The following ENDOD1 variants were observed in gnomAD, a reference collection of about 807,000 sequenced individuals.
The protein encoded by ENDOD1 is endonuclease domain containing 1.
A neutral mutation model predicts 6.5 loss-of-function variants in ENDOD1; 9 were observed. The ratio of observed to expected loss-of-function variants is 1.39; its 90% CI spans 0.84 to 2.43. ENDOD1 has a LOEUF of 2.43. Ranked by LOEUF, ENDOD1 falls within the 30% of genes most tolerant of loss-of-function variation. The pLI, the probability that ENDOD1 is intolerant of heterozygous loss-of-function variation, is 0.00. For synonymous variants in ENDOD1, 255 were observed against 255.2 expected (o/e 1.00, Z 0.01); for missense variants, 648 against 635.5 (o/e 1.02, Z -0.21).
At chr11:95,090,799 C>G (rs1858923245) in intron 1 of ENDOD1, among the ~76,000 whole-genome samples, 1 of 152,172 alleles carries the variant, frequency 6.6e-6, no homozygotes. Flanking sequence ...AGTAAAGCTT[C>G]TCTTCTGCAG....
At position 95,105,634 on chromosome 11, in the gene ENDOD1, T is replaced by C. The variant is rs563919125; in HGVS notation, c.300+15407T>C. ...CCCTCCCTGTGTCCATGTGTTCTCA[T>C]TGTTCAGCTCCTACTTATAAGTGAG... is the stretch of plus-strand genomic sequence containing the variant. On this transcript the variant is annotated intron_variant, in intron 1 of 1. Transcript: ENST00000278505. Among the ~76,000 whole-genome samples, 3 of 152,316 alleles carry C rather than the reference T, an allele frequency of 2.0e-5. No individual in the cohort carries two copies. In the East Asian group the frequency reaches 5.8e-4, roughly 29 times the overall value.
At chr11:95,091,619 C>T (rs1254928458) in intron 1 of ENDOD1, among the ~76,000 whole-genome samples, 3 of 152,210 alleles carry the variant, frequency 2.0e-5, no homozygotes, top group Admixed American at 2.0e-4. Context: ...TCCCCTTGAT[C>T]TCATGGACAG....
chr11:95,130,754 C>A lies in ENDOD1; in HGVS notation c.*1175C>A, dbSNP rs1250987219. Reference sequence around the variant, plus strand: ...AGTGTGTTTGAGGCTACAAACATAACTCCCCCATTAATACAAATTAAATGT... The same window carrying A: ...AGTGTGTTTGAGGCTACAAACATAAATCCCCCATTAATACAAATTAAATGT... On this transcript the variant is annotated 3_prime_UTR_variant, in exon 2 of 2. Transcript: ENST00000278505. The A allele has an allele frequency of 1.3e-5, 2 of 152,176 alleles. No homozygotes were observed. The highest frequency in any genetic ancestry group is 2.9e-5 in the Non-Finnish European group (2 of 68,024). The allele number at this position is 152,176 out of a possible 1,614,324, so 9.4% of individuals were successfully genotyped here.
At chr11:95,105,942 G>GT (rs1859085134) in intron 1 of ENDOD1, among the ~76,000 whole-genome samples, 1 of 152,118 alleles carries the variant, frequency 6.6e-6, no homozygotes, top group South Asian at 2.1e-4. Context: ...TGGGGTAAGG[G>GT]TAGGAGCCTG....
intron 1 of ENDOD1, among the ~76,000 whole-genome samples, chr11:95,103,502 C>T (rs186251032): frequency 3.9e-5 from 6 of 152,120 alleles, no homozygotes; most frequent in Non-Finnish European, 5.9e-5. Context: ...AAGATGTCGT[C>T]CTGGAACAAG....
chr11:95,116,421 T>C (rs1443881093), intron 1 of ENDOD1, among the ~76,000 whole-genome samples: 5 of 152,162 alleles, frequency 3.3e-5, no homozygotes. Flanking sequence ...TCAGTTTTGT[T>C]CAACTTTTCA....
chr11:95,122,544 A>G (rs1337012865), intron 1 of ENDOD1, among the ~76,000 whole-genome samples: 1 of 148,950 alleles, frequency 6.7e-6, no homozygotes, highest in Non-Finnish European at 1.5e-5. Flanking sequence ...CTGGCCTATT[A>G]CTATTTTTAA....
At chr11:95,096,870 A>G (rs1297166249) in intron 1 of ENDOD1, among the ~76,000 whole-genome samples, 2 of 152,168 alleles carry the variant, frequency 1.3e-5, no homozygotes, top group Middle Eastern at 3.2e-3. Flanking sequence ...ATAAATAAAT[A>G]AAAGACAAGG....
rs1859338054 is a variant in ENDOD1 at position 95,128,741 on chromosome 11, C to T, written c.665C>T (p.Ala222Val). 4 of 1,614,184 alleles carry T rather than the reference C, an allele frequency of 2.5e-6. No individual in the cohort carries two copies. The highest frequency in any genetic ancestry group is 1.6e-4 in the Middle Eastern group (1 of 6,062). The stretch of plus-strand genomic sequence containing the variant: ...GCAGTCCCTGAGTTTGTTTGGCTGG[C>T]AGCCTGTTGTGCTGTCCCTGGAGGA... ...KVAVPEFVWL[A>V]ACCAVPGGGW... is the part of the protein sequence containing the mutation. The change falls in exon 2 of 2, where the codon GCA (alanine) becomes GTA (valine). Residue 222 changes from alanine to valine, a missense_variant. Coordinates refer to ENST00000278505, the MANE Select transcript of ENDOD1 (RefSeq NM_015036.3).
At position 95,115,627 on chromosome 11, in the gene ENDOD1, T is replaced by C. The variant is rs1487816246; in HGVS notation, c.301-12750T>C. 1.7e-4 allele frequency among the ~76,000 whole-genome samples: 26 copies of C among 152,092 alleles called. 1 individual carries two copies. The highest frequency in any genetic ancestry group is 1.7e-3 in the Admixed American group (26 of 15,266). On this transcript the variant is annotated intron_variant, in intron 1 of 1. Coordinates refer to ENST00000278505, the MANE Select transcript of ENDOD1 (RefSeq NM_015036.3). ...TTTTCCCCATTCAGTATGATACTAG[T>C]TGTGGGTCTATTATATATATGTTGA...
At chr11:95,126,350 C>T (rs1004902624) in intron 1 of ENDOD1, among the ~76,000 whole-genome samples, 2 of 152,108 alleles carry the variant, frequency 1.3e-5, no homozygotes, top group Non-Finnish European at 2.9e-5. Context: ...GTGAGTAGCA[C>T]CGATTTTAGG....
intron 1 of ENDOD1, among the ~76,000 whole-genome samples, chr11:95,116,544 C>G (rs1352258894): frequency 6.6e-6 from 1 of 152,106 alleles, no homozygotes; most frequent in Admixed American, 6.5e-5. Flanking sequence ...TTGGCTTACT[C>G]TTGCTTGTCT....
chr11:95,126,266 G>T (rs1859311144), intron 1 of ENDOD1, among the ~76,000 whole-genome samples: 1 of 152,172 alleles, frequency 6.6e-6, no homozygotes, highest in Admixed American at 6.5e-5. Context: ...ATGTGCAGTT[G>T]GACTGCCCTC....
rs752115019 is a variant in ENDOD1 at position 95,129,050 on chromosome 11, G to A, written c.974G>A (p.Ser325Asn). The A allele has an allele frequency of 1.5e-5, 24 of 1,613,988 alleles. No homozygotes were observed. Among genetic ancestry groups the A allele is most frequent in the Non-Finnish European group, 1.9e-5 (23 of 1,180,038 alleles). ...CCTCCAGAGGCATCTGAGGGAAGTA[G>A]TAGCTTTTTGGGAAAACTCATGGGC... ...LLPPEASEGS[S>N]SFLGKLMGFI... Residue 325 changes from serine (S) to asparagine (N), a missense_variant, in exon 2 of 2, where the codon AGT (serine) becomes AAT (asparagine). Ser to Asn is a conservative substitution (Grantham distance 46). Coordinates refer to ENST00000278505, the MANE Select transcript of ENDOD1 (RefSeq NM_015036.3).
intron 1 of ENDOD1, among the ~76,000 whole-genome samples, chr11:95,102,475 C>T (rs1425721614): frequency 1.3e-5 from 2 of 151,416 alleles, no homozygotes; most frequent in Non-Finnish European, 2.9e-5. Flanking sequence ...AATTCGAGAC[C>T]AGCCTGGCCA....
At chr11:95,124,382 C>T (rs1859291628) in intron 1 of ENDOD1, among the ~76,000 whole-genome samples, 1 of 152,180 alleles carries the variant, frequency 6.6e-6, no homozygotes, top group Non-Finnish European at 1.5e-5. Context: ...TCCATCTCCC[C>T]ATCACTATAC....
At chr11:95,095,339 G>A (rs1858973819) in intron 1 of ENDOD1, among the ~76,000 whole-genome samples, 1 of 24,898 alleles carries the variant, frequency 4.0e-5, no homozygotes, top group African/African-American at 1.5e-4. Context: ...CAAGAAGTGT[G>A]TTGTCAGAAA....
chr11:95,114,304 T>C (rs1439644781), intron 1 of ENDOD1, among the ~76,000 whole-genome samples: 4 of 151,896 alleles, frequency 2.6e-5, no homozygotes, highest in Non-Finnish European at 5.9e-5. Context: ...AGACGGGGTT[T>C]CACTATGTCG....
At chr11:95,097,895 A>G (rs1555110480) in intron 1 of ENDOD1, among the ~76,000 whole-genome samples, 1 of 152,220 alleles carries the variant, frequency 6.6e-6, no homozygotes, top group African/African-American at 2.4e-5. Flanking sequence ...TTTGGGGGCC[A>G]TATCAAGAAC....
Sources: allele counts gnomAD v4.1 joint callset (sites outside exome capture counted in the v4.1 genomes callset), GRCh38; gene constraint gnomAD v4.1.1; transcripts MANE v1.5; gene names NCBI Gene and HGNC (gene_info 2026-07-23, HGNC 2026-07-21).